The following HHAT variants were observed in gnomAD, a reference collection of about 807,000 sequenced individuals.
The protein encoded by HHAT is protein-cysteine N-palmitoyltransferase HHAT.
In HHAT, 47 loss-of-function variants were observed where a neutral mutation model predicts 70.8. That is an observed-to-expected ratio of 0.66 (90% confidence interval 0.53 to 0.85). HHAT has a LOEUF of 0.85. Ranked by LOEUF, HHAT falls within the 40% of genes least tolerant of loss-of-function variation. The pLI, the probability that HHAT is intolerant of heterozygous loss-of-function variation, is 0.00. For synonymous variants in HHAT, 228 were observed against 247.6 expected (o/e 0.92, Z 0.74); for missense variants, 609 against 604.8 (o/e 1.01, Z -0.07).
chr1:210,584,408 T>G (rs967751521), intron 9 of HHAT, among the ~76,000 whole-genome samples: 2 of 152,190 alleles, frequency 1.3e-5, no homozygotes, highest in African/African-American at 4.8e-5. Context: ...ATTTTATTTT[T>G]ACATACAACA....
Position 210,568,274 on chromosome 1 carries a change from A to T in HHAT, c.1044-19624A>T, listed in dbSNP as rs140160443. Among the ~76,000 whole-genome samples, 923 of 152,348 alleles carry T rather than the reference A, an allele frequency of 6.1e-3. 11 individuals carry two copies. The highest frequency in any genetic ancestry group is 0.021 in the African/African-American group (875 of 41,572). ...ACCCGGGGAGGGCATGTAAGTTCTGAGCTCCTTCCACCATATTTTGCTTTA... is the reference window on the plus strand; with the variant it reads ...ACCCGGGGAGGGCATGTAAGTTCTGTGCTCCTTCCACCATATTTTGCTTTA... On this transcript the variant is annotated intron_variant, in intron 9 of 11. Coordinates refer to ENST00000261458, the MANE Select transcript of HHAT (RefSeq NM_018194.6).
At chr1:210,531,673 A>C (rs1454041614) in intron 9 of HHAT, among the ~76,000 whole-genome samples, 2 of 152,240 alleles carry the variant, frequency 1.3e-5, no homozygotes, top group African/African-American at 4.8e-5. Flanking sequence ...TTATCTGTCC[A>C]TCAGTCCACA....
intron 6 of HHAT, among the ~76,000 whole-genome samples, chr1:210,412,110 C>T (rs2092578597): frequency 6.6e-6 from 1 of 152,128 alleles, no homozygotes; most frequent in Admixed American, 6.5e-5. Flanking sequence ...TCTTTGGCGT[C>T]TCTTTTATAA....
At chr1:210,365,425 T>A (rs1380668262) in intron 3 of HHAT, among the ~76,000 whole-genome samples, 1 of 149,040 alleles carries the variant, frequency 6.7e-6, no homozygotes, top group Non-Finnish European at 1.5e-5. Flanking sequence ...CCAGTGATTC[T>A]CCCACATCAG....
intron 1 of HHAT, among the ~76,000 whole-genome samples, chr1:210,346,835 G>A (rs1288800526): frequency 6.6e-6 from 1 of 152,264 alleles, no homozygotes; most frequent in African/African-American, 2.4e-5. Context: ...ATGGCAGAGT[G>A]GAGGGGCAGG....
intron 6 of HHAT, among the ~76,000 whole-genome samples, chr1:210,413,447 C>A (rs578002321): frequency 3.9e-5 from 6 of 152,316 alleles, no homozygotes; most frequent in African/African-American, 1.4e-4. Flanking sequence ...TGAGAGTTTT[C>A]CAAATCTTTA....
intron 5 of HHAT, among the ~76,000 whole-genome samples, chr1:210,403,961 G>A (rs1200155436): frequency 7.0e-6 from 1 of 143,470 alleles, no homozygotes; most frequent in Non-Finnish European, 1.5e-5. Context: ...ATATTTGTCT[G>A]TAAAGCTTAT....
Position 210,387,493 on chromosome 1 carries a change from T to C in HHAT, c.185T>C (p.Phe62Ser), listed in dbSNP as rs2091169817. ...GATGCGACCGACTTTGAGTGGAGCT[T>C]CTGGATGGAATGGGGGAAGCAGTGG... ...KKDATDFEWS[F>S]WMEWGKQWLV... is the part of the protein sequence containing the mutation. The change falls in exon 4 of 12, where the codon TTC (phenylalanine) becomes TCC (serine). Residue 62 changes from phenylalanine (F) to serine (S), a missense_variant. Phe to Ser is a radical substitution (Grantham distance 155, BLOSUM62 -2). Coordinates refer to ENST00000261458, the MANE Select transcript of HHAT (RefSeq NM_018194.6). 1 of 1,614,042 alleles carries C rather than the reference T, an allele frequency of 6.2e-7. No individual in the cohort carries two copies. Among genetic ancestry groups the C allele is most frequent in the Admixed American group, 1.7e-5 (1 of 59,994 alleles).
chr1:210,442,119 C>T (rs958082771), intron 7 of HHAT, among the ~76,000 whole-genome samples: 9 of 134,006 alleles, frequency 6.7e-5, no homozygotes, highest in Admixed American at 2.2e-4. Context: ...TTTGTTCTTG[C>T]GATAGTTTAC....
At chr1:210,337,298 T>A (rs910802053) in intron 1 of HHAT, among the ~76,000 whole-genome samples, 3 of 152,216 alleles carry the variant, frequency 2.0e-5, no homozygotes, top group Non-Finnish European at 4.4e-5. Context: ...AACAATCTGT[T>A]TTCTATAAAT....
intron 6 of HHAT, among the ~76,000 whole-genome samples, chr1:210,411,090 AAGG>A (rs1412169548): frequency 2.0e-5 from 3 of 152,206 alleles, no homozygotes; most frequent in African/African-American, 7.2e-5. Context: ...TGAGGAGGGA[AAGG>A]AGGCCTTTGA....
intron 11 of HHAT, among the ~76,000 whole-genome samples, chr1:210,666,527 G>A (rs937883632): frequency 3.3e-5 from 5 of 152,080 alleles, no homozygotes; most frequent in African/African-American, 1.2e-4. Flanking sequence ...CTGTTGCCCA[G>A]GCTAGAGGTG....
At chr1:210,641,773 C>T (rs1044848554) in intron 11 of HHAT, among the ~76,000 whole-genome samples, 4 of 152,204 alleles carry the variant, frequency 2.6e-5, no homozygotes, top group Non-Finnish European at 5.9e-5. Context: ...TACCAGCCAC[C>T]TGGGTTGATT....
rs193100966 is a variant in HHAT at position 210,573,866 on chromosome 1, T to C, written c.1044-14032T>C. On this transcript the variant is annotated intron_variant, in intron 9 of 11. Transcript: ENST00000261458. The stretch of plus-strand genomic sequence containing the variant: ...CAGTTTCTAGCTGGAGAATCATCTT[T>C]TGTTTACAGGGAGTGACAGTCAAAA... Among the ~76,000 whole-genome samples, 264 of 152,284 alleles carry C rather than the reference T, an allele frequency of 1.7e-3. 1 individual carries two copies. The highest frequency in any genetic ancestry group is 6.2e-3 in the African/African-American group (256 of 41,550).
intron 3 of HHAT, among the ~76,000 whole-genome samples, chr1:210,371,942 C>T (rs1449689066): frequency 6.6e-6 from 1 of 152,176 alleles, no homozygotes; most frequent in African/African-American, 2.4e-5. Context: ...ATTTCTCAGT[C>T]ACAAACCAGT....
intron 9 of HHAT, among the ~76,000 whole-genome samples, chr1:210,526,585 A>G (rs2095253454): frequency 6.6e-6 from 1 of 151,192 alleles, no homozygotes; most frequent in Non-Finnish European, 1.5e-5. Flanking sequence ...GAAGACCAAC[A>G]CTCTAGACTG....
chr1:210,364,172 T>G (rs2148032434), intron 3 of HHAT, among the ~76,000 whole-genome samples: 1 of 152,332 alleles, frequency 6.6e-6, no homozygotes, highest in Middle Eastern at 3.4e-3. Context: ...CCATGAAAAC[T>G]TAGATGTAAA....
intron 3 of HHAT, among the ~76,000 whole-genome samples, chr1:210,387,217 G>A (rs1388149596): frequency 6.6e-6 from 1 of 152,180 alleles, no homozygotes; most frequent in African/African-American, 2.4e-5. Flanking sequence ...AAAGTCCGAG[G>A]TGCATTTGGG....
chr1:210,407,739 C>T (rs7519683), intron 6 of HHAT, among the ~76,000 whole-genome samples: 11,013 of 152,150 alleles, frequency 0.072, 438 homozygotes, highest in Middle Eastern at 0.099. Flanking sequence ...ACCAAGTCAG[C>T]GGTGAGACAG....
Sources: allele counts gnomAD v4.1 joint callset (sites outside exome capture counted in the v4.1 genomes callset), GRCh38; gene constraint gnomAD v4.1.1; transcripts MANE v1.5; gene names NCBI Gene and HGNC (gene_info 2026-07-23, HGNC 2026-07-21).